Variants in CHD5 observed in about 807,000 individuals in gnomAD.
CHD5 encodes ATP-dependent chromatin remodeler CHD5.
CHD5 carries 69 observed loss-of-function variants against 230.3 expected under a neutral mutation model. The observed-to-expected ratio is 0.30, with a 90% confidence interval of 0.25 to 0.37. The LOEUF is 0.37. Ranked by LOEUF, CHD5 falls within the 10% of genes least tolerant of loss-of-function variation. The probability of loss-of-function intolerance (pLI) is 1.00; values close to 1 mark genes in which losing one functional copy is unlikely to be tolerated. For synonymous variants in CHD5, 1,064 were observed against 1,065.9 expected (o/e 1.00, Z 0.03); for missense variants, 1,827 against 2,622.8 (o/e 0.70, Z 6.63).
At chr1:6,135,853 T>C (rs972329339) in intron 17 of CHD5, among the ~76,000 whole-genome samples, 1 of 151,812 alleles carries the variant, frequency 6.6e-6, no homozygotes, top group African/African-American at 2.4e-5. Context: ...ACTAAAGATA[T>C]ACAAAAATTA....
intron 1 of CHD5, 143 bp downstream of exon 1, chr1:6,179,802 G>T: frequency 4.7e-6 from 1 of 214,216 alleles, no homozygotes; most frequent in South Asian, 1.5e-4. Flanking sequence ...AGCAGGGCGG[G>T]AGCGCAGCCC....
intron 1 of CHD5, among the ~76,000 whole-genome samples, chr1:6,173,461 A>C (rs1275832597): frequency 1.3e-5 from 2 of 151,964 alleles, no homozygotes; most frequent in African/African-American, 4.8e-5. Context: ...AGCAGAGAAC[A>C]AGGCCACCAG....
intron 2 of CHD5, among the ~76,000 whole-genome samples, chr1:6,164,652 C>T (rs564546231): frequency 1.3e-5 from 2 of 152,278 alleles, no homozygotes; most frequent in East Asian, 3.9e-4. Context: ...CCTGGGGCTC[C>T]TAGTCTGCCA....
intron 38 of CHD5, among the ~76,000 whole-genome samples, chr1:6,107,298 G>C (rs1666197636): frequency 7.1e-6 from 1 of 140,640 alleles, no homozygotes; most frequent in East Asian, 2.4e-4. Context: ...TGGCGGAGTG[G>C]AGAGATGGAG....
chr1:6,127,282 TTCAAAACCAGC>T, intron 25 of CHD5: 1 of 156,092 alleles, frequency 6.4e-6, no homozygotes, highest in East Asian at 1.9e-4. Context: ...AGGTCAGGAG[TTCAAAACCAGC>T]CTGGCCAACA....
Position 6,111,938 on chromosome 1 carries a change from G to A in CHD5, c.5141-55C>T, listed in dbSNP as rs74989300. The A allele has an allele frequency of 1.4e-3, 2,111 of 1,538,594 alleles. 21 individuals carry two copies. The East Asian group carries it at 0.016, about 12-fold the overall frequency. On this transcript the variant is annotated intron_variant, in intron 35 of 41. Coordinates refer to ENST00000262450, the MANE Select transcript of CHD5 (RefSeq NM_015557.3). ...AGAAGTGCCCCAGCTCTCACGCACA[G>A]GCAGGCTTGGAGAGCCGCTCCCTCC...
In CHD5 at chr1:6,171,267, C is replaced by T. The variant is rs148782189; in HGVS notation, c.80-2990G>A. On this transcript the variant is annotated intron_variant, in intron 1 of 41. Coordinates refer to ENST00000262450, the MANE Select transcript of CHD5 (RefSeq NM_015557.3). ...GGCCCTAACCCACGCCCAGAACAGGCCTTCGAGGACAAGGCCCCAGACCCT... is the reference window on the plus strand; with the variant it reads ...GGCCCTAACCCACGCCCAGAACAGGTCTTCGAGGACAAGGCCCCAGACCCT... Among the ~76,000 whole-genome samples, 962 of 152,318 alleles carry T rather than the reference C, an allele frequency of 6.3e-3. 7 individuals carry two copies. The highest frequency in any genetic ancestry group is 0.01 in the Non-Finnish European group (696 of 68,010).
In CHD5 at chr1:6,167,166, G is replaced by C. The variant is rs926894990; in HGVS notation, c.207+984C>G. ...GCCAGTCCCCTCTAGGCGGGGGAAAGAAAGGTGGAGAGCTGGCCTCAGGTC... is the reference window on the plus strand; with the variant it reads ...GCCAGTCCCCTCTAGGCGGGGGAAACAAAGGTGGAGAGCTGGCCTCAGGTC... On this transcript the variant is annotated intron_variant, in intron 2 of 41. Coordinates refer to ENST00000262450, the MANE Select transcript of CHD5 (RefSeq NM_015557.3). This position sits in a 1 kb window ranked among gnomAD's most constrained non-coding sequence, Gnocchi z 4.5. Among the ~76,000 whole-genome samples the C allele has an allele frequency of 6.6e-6, 1 of 152,222 alleles. No individual in the cohort carries two copies. The highest frequency in any genetic ancestry group is 1.5e-5 in the Non-Finnish European group (1 of 68,030).
At chr1:6,120,827 C>T (rs1199345995) in intron 33 of CHD5, among the ~76,000 whole-genome samples, 4 of 151,992 alleles carry the variant, frequency 2.6e-5, no homozygotes, top group East Asian at 1.9e-4. Flanking sequence ...CACTTGAACC[C>T]GGGAGGCGGA....
rs948470193 is a variant in CHD5, at chr1:6,105,033, C to A, written c.*441G>T. ...CTGAGTCCACAGGGCAGTGCCAGGA[C>A]TACCTTGGGTCTGGAACCCATCGGT... On this transcript the variant is annotated 3_prime_UTR_variant, in exon 42 of 42. Transcript: ENST00000262450. This position sits in a 1 kb window ranked among gnomAD's most constrained non-coding sequence, Gnocchi z 4.8. 21 of 250,590 alleles carry A rather than the reference C, an allele frequency of 8.4e-5. 1 individual carries two copies. In the South Asian group the frequency reaches 9.0e-4, roughly 11 times the overall value. 15.5% of individuals were successfully genotyped at this position (250,590 alleles called of 1,614,324 possible).
At position 6,102,643 on chromosome 1, in the gene CHD5, G is replaced by C. The variant is rs1666085017; in HGVS notation, c.*2831C>G. Reference sequence around the variant, plus strand: ...GAGTGAGGGCTGCAGGTGTCACCGGGCCAAGGCTTGGTCAGCTCCTGACCT... The same window carrying C: ...GAGTGAGGGCTGCAGGTGTCACCGGCCCAAGGCTTGGTCAGCTCCTGACCT... On this transcript the variant is annotated 3_prime_UTR_variant, in exon 42 of 42. Coordinates refer to ENST00000262450, the MANE Select transcript of CHD5 (RefSeq NM_015557.3). The C allele has an allele frequency of 6.6e-6, 1 of 152,288 alleles. No homozygotes were observed. The highest frequency in any genetic ancestry group is 2.1e-4 in the South Asian group (1 of 4,838). 9.4% of individuals were successfully genotyped at this position (152,288 alleles called of 1,614,324 possible). A position where few individuals can be genotyped will look rare whatever the true frequency, so the allele number is the denominator to read the frequency against.
At chr1:6,137,319 C>T (rs1477099935) in intron 15 of CHD5, among the ~76,000 whole-genome samples, 1 of 152,182 alleles carries the variant, frequency 6.6e-6, no homozygotes, top group Non-Finnish European at 1.5e-5. Context: ...GTTGCTGAAG[C>T]TGGTCTCAAA....
intron 33 of CHD5, among the ~76,000 whole-genome samples, chr1:6,114,765 C>T (rs1557538114): frequency 6.6e-6 from 1 of 151,918 alleles, no homozygotes; most frequent in African/African-American, 2.4e-5. Flanking sequence ...AGAAAAAAAA[C>T]ATAAAATTTC....
At chr1:6,107,733 GGGATGATGGATGA>G (rs1666214380) in intron 38 of CHD5, among the ~76,000 whole-genome samples, 4 of 113,222 alleles carry the variant, frequency 3.5e-5, no homozygotes, top group South Asian at 3.6e-4. Flanking sequence ...GGAGGGATGA[GGGATGATGGATGA>G]TGGAGAGATG....
intron 15 of CHD5, 78 bp from the exon 16 acceptor site, chr1:6,136,943 A>G: frequency 6.8e-7 from 1 of 1,471,710 alleles, no homozygotes; most frequent in Non-Finnish European, 9.1e-7. Flanking sequence ...AAGAGCCAAG[A>G]AGGAGGTGTG....
Position 6,159,321 on chromosome 1 carries a change from G to A in CHD5, c.387+15C>T. On this transcript the variant is annotated intron_variant, in intron 3 of 41. Coordinates refer to ENST00000262450, the MANE Select transcript of CHD5 (RefSeq NM_015557.3). ...GGATGTCGCTCTGTCCCCCCAGCCA[G>A]GCCTCCACAGTTACCTTTAAGCATC... 2 of 1,551,292 alleles carry A rather than the reference G, an allele frequency of 1.3e-6. No homozygotes were observed. The highest frequency in any genetic ancestry group is 1.7e-6 in the Non-Finnish European group (2 of 1,146,840).
chr1:6,107,948 C>T (rs549775418), intron 38 of CHD5, among the ~76,000 whole-genome samples: 19 of 59,584 alleles, frequency 3.2e-4, no homozygotes, highest in Admixed American at 1.8e-3. Context: ...GGTGGAGGGA[C>T]GGGATGATGG....
In CHD5 at chr1:6,159,352, T is replaced by A. The variant is rs746915354; in HGVS notation, c.371A>T (p.Asp124Val). 6 of 1,551,542 alleles carry A rather than the reference T, an allele frequency of 3.9e-6. No homozygotes were observed. The African/African-American group carries it at 8.2e-5, about 21-fold the overall frequency. Residue 124 changes from aspartate to valine, a missense_variant, in exon 3 of 42, where the codon GAT becomes GTT. Asp to Val is a radical substitution (Grantham distance 152, BLOSUM62 -3). Transcript: ENST00000262450. Reference protein sequence around the residue: ...KKKDEDEDDNDDGCLKEPKSS... With the variant: ...KKKDEDEDDNVDGCLKEPKSS... ...CACAGTTACCTTTAAGCATCCATCA[T>A]CATTATCATCCTCATCCTCATCCTT...
chr1:6,108,905 G>T (rs1666241146), intron 38 of CHD5, among the ~76,000 whole-genome samples: 1 of 151,396 alleles, frequency 6.6e-6, no homozygotes, highest in Non-Finnish European at 1.5e-5. Flanking sequence ...GGGGTGGAAG[G>T]ATGGAGGCAT....
Sources: allele counts gnomAD v4.1 joint callset (sites outside exome capture counted in the v4.1 genomes callset), GRCh38; gene constraint gnomAD v4.1.1; non-coding constraint Gnocchi (gnomAD v3.1); transcripts MANE v1.5; gene names NCBI Gene and HGNC (gene_info 2026-07-23, HGNC 2026-07-21).